The following GLS variants were observed in gnomAD, a reference collection of about 807,000 sequenced individuals.
GLS encodes the protein glutaminase.
Under a neutral mutation model 86.7 loss-of-function variants are expected in GLS, and 36 were observed. The ratio of observed to expected loss-of-function variants is 0.42; its 90% CI spans 0.32 to 0.55. The LOEUF is 0.55. Ranked by LOEUF, GLS falls within the 20% of genes least tolerant of loss-of-function variation. GLS has a pLI of 0.17. For synonymous variants in GLS, 317 were observed against 305.9 expected (o/e 1.04, Z -0.38); for missense variants, 528 against 833.4 (o/e 0.63, Z 4.51).
At chr2:190,892,402 A>G (rs879807981) in intron 1 of GLS, among the ~76,000 whole-genome samples, 1 of 152,132 alleles carries the variant, frequency 6.6e-6, no homozygotes, top group African/African-American at 2.4e-5. Context: ...TCTTCAGGGG[A>G]ATCTGGAGGA....
At position 190,913,805 on chromosome 2, in the gene GLS, T is replaced by G; in HGVS notation, c.1038+3484T>G. On this transcript the variant is annotated intron_variant, in intron 7 of 17. Transcript: ENST00000320717. The surrounding 1 kb of genome is among the most constrained non-coding windows in gnomAD (Gnocchi z 6.1). ...TGTTTTTACCTCTCAGAGTTTTTTG[T>G]TTTTTGTTTTTTAGAGACAAGGTCT... 1.1e-6 allele frequency: 1 copy of G among 914,390 alleles called. No individual in the cohort carries two copies. The highest frequency in any genetic ancestry group is 1.3e-6 in the Non-Finnish European group (1 of 765,216). 56.6% of individuals were successfully genotyped at this position (914,390 alleles called of 1,614,324 possible).
chr2:190,936,231 C>G (rs959931889), intron 14 of GLS, among the ~76,000 whole-genome samples: 3 of 150,946 alleles, frequency 2.0e-5, no homozygotes, highest in Admixed American at 2.0e-4. Context: ...CTTGATCTGA[C>G]AGTGTATATT....
intron 1 of GLS, among the ~76,000 whole-genome samples, chr2:190,885,480 G>A (rs999421379): frequency 1.3e-5 from 2 of 152,102 alleles, no homozygotes; most frequent in Non-Finnish European, 2.9e-5. Flanking sequence ...GTGAGCCACC[G>A]CACCTGGTCT....
intron 9 of GLS, among the ~76,000 whole-genome samples, chr2:190,922,784 T>C (rs896608831): frequency 6.6e-6 from 1 of 152,202 alleles, no homozygotes; most frequent in African/African-American, 2.4e-5. Flanking sequence ...CTCAGTGATA[T>C]AAAGAACATT....
chr2:190,925,473 C>G (rs999920422), intron 11 of GLS, among the ~76,000 whole-genome samples: 1 of 152,164 alleles, frequency 6.6e-6, no homozygotes, highest in Non-Finnish European at 1.5e-5. Context: ...TTAGAATAGC[C>G]TTCCTGGAGA....
In GLS at chr2:190,921,091, A is replaced by T; in HGVS notation, c.1071+35A>T. The T allele has an allele frequency of 6.3e-7, 1 of 1,577,536 alleles. No homozygotes were observed. Among genetic ancestry groups the T allele is most frequent in the Admixed American group, 1.7e-5 (1 of 59,864 alleles). On this transcript the variant is annotated intron_variant, in intron 8 of 17. Coordinates refer to ENST00000320717, the MANE Select transcript of GLS (RefSeq NM_014905.5). This position sits in a 1 kb window ranked among gnomAD's most constrained non-coding sequence, Gnocchi z 4.2. ...ACATGTCATTCAGTTTTCATGCCAC[A>T]TTCTCTATATATTTGTTTTTTGATT... is the stretch of plus-strand genomic sequence containing the variant.
chr2:190,900,475 TTAAA>T (rs1240979657), intron 3 of GLS, 85 bp from the exon 4 acceptor site: 9 of 584,824 alleles, frequency 1.5e-5, no homozygotes, highest in Admixed American at 6.1e-5. Flanking sequence ...TATCTATTAT[TTAAA>T]TAGTGTCCTA....
At position 190,920,989 on chromosome 2, in the gene GLS, A is replaced by T. The variant is rs1216461912; in HGVS notation, c.1039-35A>T. 2.5e-6 allele frequency: 3 copies of T among 1,194,726 alleles called. No individual in the cohort carries two copies. The highest frequency in any genetic ancestry group is 3.7e-6 in the Non-Finnish European group (3 of 801,238). The allele number at this position is 1,194,726 out of a possible 1,614,324, so 74.0% of individuals were successfully genotyped here. A position where few individuals can be genotyped will look rare whatever the true frequency, so the allele number is the denominator to read the frequency against. On this transcript the variant is annotated intron_variant, in intron 7 of 17. Coordinates refer to ENST00000320717, the MANE Select transcript of GLS (RefSeq NM_014905.5). This position sits in a 1 kb window ranked among gnomAD's most constrained non-coding sequence, Gnocchi z 4.2. The stretch of plus-strand genomic sequence containing the variant: ...TTGAAACTTAACTGTAGTGGTACCT[A>T]TATTAACGTATTTATGTCTCTTATT...
chr2:190,937,846 T>G (rs899344103), intron 14 of GLS, among the ~76,000 whole-genome samples: 26 of 149,952 alleles, frequency 1.7e-4, no homozygotes, highest in African/African-American at 5.8e-4. Context: ...GTGGGTTTTT[T>G]TTTTTTTTTT....
rs1690714485 is a variant in GLS at position 190,951,314 on chromosome 2, A to G, written c.1651-2251A>G. 6.6e-6 allele frequency among the ~76,000 whole-genome samples: 1 copy of G among 152,152 alleles called. No homozygotes were observed. The highest frequency in any genetic ancestry group is 2.4e-5 in the African/African-American group (1 of 41,434). ...CTTTGGAGAGCGCTGTTTAGAGGTA[A>G]CAATGAGTGTGAAGGTAATTTTCAG... On this transcript the variant is annotated intron_variant, in intron 14 of 17. Coordinates refer to ENST00000320717, the MANE Select transcript of GLS (RefSeq NM_014905.5). This position sits in a 1 kb window ranked among gnomAD's most constrained non-coding sequence, Gnocchi z 4.2.
In GLS at chr2:190,963,897, T is replaced by TAAG. The variant is rs1421290901; in HGVS notation, c.*915_*917dup. On this transcript the variant is annotated 3_prime_UTR_variant, in exon 18 of 18. Coordinates refer to ENST00000320717, the MANE Select transcript of GLS (RefSeq NM_014905.5). ...GAAGGGATGTGCAACTGCAGCTCTT[T>TAAG]AAGAAGTTTTTTTTTTTTAGCTTCT... 1 of 151,782 alleles carries TAAG rather than the reference T, an allele frequency of 6.6e-6. No homozygotes were observed. The highest frequency in any genetic ancestry group is 2.4e-5 in the African/African-American group (1 of 41,184). The allele number at this position is 151,782 out of a possible 1,614,324, so 9.4% of individuals were successfully genotyped here.
Position 190,956,468 on chromosome 2 carries a change from T to C in GLS, c.1853+1650T>C, listed in dbSNP as rs1690863293. 6.6e-6 allele frequency among the ~76,000 whole-genome samples: 1 copy of C among 152,212 alleles called. No individual in the cohort carries two copies. Among genetic ancestry groups the C allele is most frequent in the Admixed American group, 6.5e-5 (1 of 15,284 alleles). On this transcript the variant is annotated intron_variant, in intron 17 of 17. Coordinates refer to ENST00000320717, the MANE Select transcript of GLS (RefSeq NM_014905.5). The surrounding 1 kb of genome is among the most constrained non-coding windows in gnomAD (Gnocchi z 4.2). The stretch of plus-strand genomic sequence containing the variant: ...TCTTTTCCATTGCTCTGTGTATCTA[T>C]TTTGGTATCAGTACCATACTGTTTT...
chr2:190,882,718 G>A (rs543142557), intron 1 of GLS, among the ~76,000 whole-genome samples: 4 of 152,286 alleles, frequency 2.6e-5, no homozygotes, highest in Admixed American at 2.6e-4. Context: ...GATGATGGGC[G>A]AAATTTGTGG....
At position 190,897,998 on chromosome 2, in the gene GLS, A is replaced by G. The variant is rs1381680647; in HGVS notation, c.605+2273A>G. ...CTGCCTGTACCCAGGTTGATAGTCA[A>G]TTGTTTTTAATGCTAGTAAATCTTA... On this transcript the variant is annotated intron_variant, in intron 3 of 17. Coordinates refer to ENST00000320717, the MANE Select transcript of GLS (RefSeq NM_014905.5). The surrounding 1 kb of genome is among the most constrained non-coding windows in gnomAD (Gnocchi z 4.3). 6.6e-6 allele frequency among the ~76,000 whole-genome samples: 1 copy of G among 152,196 alleles called. No individual in the cohort carries two copies. The highest frequency in any genetic ancestry group is 1.5e-5 in the Non-Finnish European group (1 of 68,034).
Position 190,880,872 on chromosome 2 carries a change from CGCAGCAGCAGCAGCAGCAGCA to C in GLS, c.-185_-165del, listed in dbSNP as rs57674096. On this transcript the variant is annotated 5_prime_UTR_variant, in exon 1 of 18. Transcript: ENST00000320717. The stretch of plus-strand genomic sequence containing the variant: ...AGAACCGGTCGCGGCAATCCTAGCG[CGCAGCAGCAGCAGCAGCAGCA>C]GCAGCAGCAGCAGCAGCAGCAGCAG... The C allele has an allele frequency of 9.7e-3, 7,196 of 741,078 alleles. 161 individuals carry two copies. The highest frequency in any genetic ancestry group is 0.048 in the East Asian group (1,560 of 32,402). 45.9% of individuals were successfully genotyped at this position (741,078 alleles called of 1,614,324 possible). A position where few individuals can be genotyped will look rare whatever the true frequency, so the allele number is the denominator to read the frequency against.
chr2:190,963,226 A>AAAAG lies in GLS; in HGVS notation c.*244_*247dup, dbSNP rs1691044539. Reference sequence around the variant, plus strand: ...CCTCGTGCATTGTATAATTTGATGTAAAAGAAATAGTTACCAATGCTAGCT... The same window carrying AAAAG: ...CCTCGTGCATTGTATAATTTGATGTAAAAGAAAGAAATAGTTACCAATGCTAGCT... On this transcript the variant is annotated 3_prime_UTR_variant, in exon 18 of 18. Transcript: ENST00000320717. The AAAAG allele has an allele frequency of 2.9e-6, 1 of 340,938 alleles. No homozygotes were observed. Among genetic ancestry groups the AAAAG allele is most frequent in the Non-Finnish European group, 5.4e-6 (1 of 186,394 alleles). 21.1% of individuals were successfully genotyped at this position (340,938 alleles called of 1,614,324 possible). A position where few individuals can be genotyped will look rare whatever the true frequency, so the allele number is the denominator to read the frequency against.
rs1689420992 is a variant in GLS at position 190,913,298 on chromosome 2, A to G, written c.1038+2977A>G. 7.8e-7 allele frequency: 1 copy of G among 1,280,680 alleles called. No homozygotes were observed. 79.3% of individuals were successfully genotyped at this position (1,280,680 alleles called of 1,614,324 possible). A position where few individuals can be genotyped will look rare whatever the true frequency, so the allele number is the denominator to read the frequency against. On this transcript the variant is annotated intron_variant, in intron 7 of 17. Coordinates refer to ENST00000320717, the MANE Select transcript of GLS (RefSeq NM_014905.5). This position sits in a 1 kb window ranked among gnomAD's most constrained non-coding sequence, Gnocchi z 6.1. ...AATTTGGACAGAAGGAGCCTGTTGC[A>G]TAAATTCTTAACTACTAAGCTTATA...
chr2:190,930,645 C>G lies in GLS; in HGVS notation c.1557+77C>G. On this transcript the variant is annotated intron_variant, in intron 13 of 17. Coordinates refer to ENST00000320717, the MANE Select transcript of GLS (RefSeq NM_014905.5). This position sits in a 1 kb window ranked among gnomAD's most constrained non-coding sequence, Gnocchi z 5.0. ...ATGATTCTTTTTTTTAACCCATTTT[C>G]CATAGTTCATTAACTCTTGGCCCTC... The G allele has an allele frequency of 7.2e-7, 1 of 1,386,390 alleles. No individual in the cohort carries two copies. The highest frequency in any genetic ancestry group is 1.3e-5 in the South Asian group (1 of 75,244). The allele number at this position is 1,386,390 out of a possible 1,614,324, so 85.9% of individuals were successfully genotyped here.
chr2:190,953,800 T>C lies in GLS; in HGVS notation c.1712+174T>C, dbSNP rs746240438. Among the ~76,000 whole-genome samples, 1 of 152,212 alleles carries C rather than the reference T, an allele frequency of 6.6e-6. No individual in the cohort carries two copies. On this transcript the variant is annotated intron_variant, in intron 15 of 17. Transcript: ENST00000320717. This position sits in a 1 kb window ranked among gnomAD's most constrained non-coding sequence, Gnocchi z 4.0. The stretch of plus-strand genomic sequence containing the variant: ...GTGCCTTAGGCCTGCTTTCCAATCT[T>C]GTCCTTTTCTGCCTCCTATAAAAAA...
Sources: gnomAD v4.1 joint callset for allele counts (sites outside exome capture counted in the v4.1 genomes callset) on GRCh38, gnomAD v4.1.1 for gene constraint, Gnocchi (gnomAD v3.1) non-coding constraint, MANE v1.5 for transcripts, NCBI Gene and HGNC (gene_info 2026-07-23, HGNC 2026-07-21) for gene names.